NRIP3: variants seen among roughly 807,000 people sequenced by gnomAD.
NRIP3 encodes nuclear receptor interacting protein 3.
NRIP3 carries 31 observed loss-of-function variants against 29.0 expected under a neutral mutation model. The ratio of observed to expected loss-of-function variants is 1.07; its 90% CI spans 0.80 to 1.44. The LOEUF (loss-of-function observed/expected upper bound fraction) is 1.44, where lower values mean the gene tolerates loss of function less well. NRIP3 is among the 40% of genes most tolerant of loss of function. The pLI is 0.00. For missense variants in NRIP3, 314 were observed against 297.9 expected, an observed-to-expected ratio of 1.05 and a Z score of -0.40; for synonymous variants, 131 against 118.3, an observed-to-expected ratio of 1.11 and a Z score of -0.70.
At chr11:9,002,592 AAATT>A (rs1380975075) in intron 1 of NRIP3, among the ~76,000 whole-genome samples, 1 of 98,150 alleles carries the variant, frequency 1.0e-5, no homozygotes, top group Non-Finnish European at 2.2e-5. Context: ...TAGAGCTGTT[AAATT>A]AAAAAAAAAA....
chr11:8,982,374 G>C lies in NRIP3; in HGVS notation c.*1171C>G, dbSNP rs78342469. On this transcript the variant is annotated 3_prime_UTR_variant, in exon 7 of 7. Coordinates refer to ENST00000309166, the MANE Select transcript of NRIP3 (RefSeq NM_020645.3). ...TGAAAATGTCATTCCCTGCCTCCCAGAAAGGTTTATCTAGATAGGCCTCTC... is the reference window on the plus strand; with the variant it reads ...TGAAAATGTCATTCCCTGCCTCCCACAAAGGTTTATCTAGATAGGCCTCTC... 1.3e-3 allele frequency: 206 copies of C among 152,612 alleles called. 1 individual carries two copies. Among genetic ancestry groups the C allele is most frequent in the Admixed American group, 2.0e-3 (30 of 15,300 alleles). 9.5% of individuals were successfully genotyped at this position (152,612 alleles called of 1,614,324 possible).
Position 9,003,939 on chromosome 11 carries a change from T to G in NRIP3, c.-4A>C. 6.7e-7 allele frequency: 1 copy of G among 1,483,802 alleles called. No individual in the cohort carries two copies. Among genetic ancestry groups the G allele is most frequent in the South Asian group, 1.3e-5 (1 of 78,350 alleles). 91.9% of individuals were successfully genotyped at this position (1,483,802 alleles called of 1,614,324 possible). ...TGAGGAGCCCTGAGTAAAACATCGC[T>G]GAGGCGCCGGCGGCCCGGTAGCCCA... is the stretch of plus-strand genomic sequence containing the variant. On this transcript the variant is annotated 5_prime_UTR_variant, in exon 1 of 7. Transcript: ENST00000309166.
chr11:9,000,771 T>TAA (rs11449994), intron 1 of NRIP3, among the ~76,000 whole-genome samples: 36 of 149,624 alleles, frequency 2.4e-4, no homozygotes, highest in African/African-American at 4.2e-4. Flanking sequence ...TTCACTGAGT[T>TAA]AAAAAAAAAA....
At chr11:9,002,596 T>TAAAAAA (rs10701323) in intron 1 of NRIP3, among the ~76,000 whole-genome samples, 460 of 100,368 alleles carry the variant, frequency 4.6e-3, no homozygotes, top group Middle Eastern at 0.011. Flanking sequence ...GCTGTTAAAT[T>TAAAAAA]AAAAAAAAAA....
At chr11:8,985,415 C>T (rs543068222) in intron 4 of NRIP3, among the ~76,000 whole-genome samples, 3 of 151,892 alleles carry the variant, frequency 2.0e-5, no homozygotes, top group South Asian at 2.1e-4. Context: ...GTGATCCGCC[C>T]GCCTCGGCCT....
intron 3 of NRIP3, 99 bp downstream of exon 3, chr11:8,987,449 G>C: frequency 1.1e-6 from 1 of 870,850 alleles, no homozygotes; most frequent in Non-Finnish European, 2.0e-6. Context: ...ACTTCTCTTT[G>C]AGCTGCTGTA....
At chr11:8,997,085 G>C (rs991573994) in intron 1 of NRIP3, among the ~76,000 whole-genome samples, 1 of 150,874 alleles carries the variant, frequency 6.6e-6, no homozygotes, top group Non-Finnish European at 1.5e-5. Flanking sequence ...CTCAAAAAAA[G>C]AAAAAAGGAG....
rs905796556 is a variant in NRIP3 at position 8,987,529 on chromosome 11, A to C, written c.422+19T>G. 6.3e-7 allele frequency: 1 copy of C among 1,579,886 alleles called. No homozygotes were observed. Among genetic ancestry groups the C allele is most frequent in the African/African-American group, 1.3e-5 (1 of 74,252 alleles). On this transcript the variant is annotated intron_variant, in intron 3 of 6. Transcript: ENST00000309166. Reference sequence around the variant, plus strand: ...GTACAGTCACATCTAAGTTCCACTCAGCACAAGTGCCTACTTACCCCAATC... The same window carrying C: ...GTACAGTCACATCTAAGTTCCACTCCGCACAAGTGCCTACTTACCCCAATC...
rs1229697446 is a variant in NRIP3 at position 8,981,510 on chromosome 11, C to G, written c.*2035G>C. The G allele has an allele frequency of 6.7e-6, 1 of 148,344 alleles. No homozygotes were observed. The highest frequency in any genetic ancestry group is 2.5e-5 in the African/African-American group (1 of 40,262). 9.2% of individuals were successfully genotyped at this position (148,344 alleles called of 1,614,324 possible). On this transcript the variant is annotated 3_prime_UTR_variant, in exon 7 of 7. Coordinates refer to ENST00000309166, the MANE Select transcript of NRIP3 (RefSeq NM_020645.3). ...AGAATAAACCAGCAGGAACCTTCAA[C>G]ATGCCTCACTGTGGCTAAGAGTCAA...
At chr11:9,001,722 A>G (rs1566141654) in intron 1 of NRIP3, among the ~76,000 whole-genome samples, 1 of 151,672 alleles carries the variant, frequency 6.6e-6, no homozygotes, top group African/African-American at 2.4e-5. Flanking sequence ...CAACAGTTCC[A>G]AGAGAGTTTA....
At chr11:8,987,481 CATAAA>C in intron 3 of NRIP3, 62 bp downstream of exon 3, 3 of 1,156,564 alleles carry the variant, frequency 2.6e-6, no homozygotes, top group Non-Finnish European at 3.9e-6. Flanking sequence ...CATCTCTAAC[CATAAA>C]ATAGAGTCAA....
At position 8,983,566 on chromosome 11, in the gene NRIP3, A is replaced by G; in HGVS notation, c.711-6T>C. ...GTAGTTATGCTTCTGAAGTGCTGAA[A>G]TGAGAAATAAATATCAGGAGAAATA... On this transcript the variant is annotated splice_region_variant and splice_polypyrimidine_tract_variant and intron_variant, in intron 6 of 6. Transcript: ENST00000309166. The G allele has an allele frequency of 6.2e-7, 1 of 1,613,436 alleles. No homozygotes were observed. Among genetic ancestry groups the G allele is most frequent in the Non-Finnish European group, 8.5e-7 (1 of 1,179,452 alleles).
chr11:8,983,572 AATAAAT>A lies in NRIP3; in HGVS notation c.711-18_711-13del, dbSNP rs1276178639. 2 of 1,612,932 alleles carry A rather than the reference AATAAAT, an allele frequency of 1.2e-6. No individual in the cohort carries two copies. The highest frequency in any genetic ancestry group is 1.7e-6 in the Non-Finnish European group (2 of 1,179,232). Reference sequence around the variant, plus strand: ...ATGCTTCTGAAGTGCTGAAATGAGAAATAAATATCAGGAGAAATAATGCCAAATTCA... The same window carrying A: ...ATGCTTCTGAAGTGCTGAAATGAGAAATCAGGAGAAATAATGCCAAATTCA... On this transcript the variant is annotated splice_polypyrimidine_tract_variant and intron_variant, in intron 6 of 6. Transcript: ENST00000309166.
intron 4 of NRIP3, among the ~76,000 whole-genome samples, chr11:8,984,860 C>G (rs1332001705): frequency 1.4e-5 from 2 of 147,822 alleles, no homozygotes; most frequent in South Asian, 4.3e-4. Flanking sequence ...TTTTTTTTTT[C>G]TTTCTTTTGA....
chr11:8,983,449 A>G lies in NRIP3; in HGVS notation c.*96T>C. ...TATTAGATGGAAGGACTTGGTCCAC[A>G]GCAAGTCACTACGGCATTTGGTTCA... On this transcript the variant is annotated 3_prime_UTR_variant, in exon 7 of 7. Transcript: ENST00000309166. 1 of 1,185,702 alleles carries G rather than the reference A, an allele frequency of 8.4e-7. No individual in the cohort carries two copies. Among genetic ancestry groups the G allele is most frequent in the East Asian group, 2.4e-5 (1 of 41,680 alleles). The allele number at this position is 1,185,702 out of a possible 1,614,324, so 73.4% of individuals were successfully genotyped here.
intron 1 of NRIP3, among the ~76,000 whole-genome samples, chr11:9,001,521 G>C (rs1854796809): frequency 6.6e-6 from 1 of 151,960 alleles, no homozygotes; most frequent in African/African-American, 2.4e-5. Flanking sequence ...CCTTTTCTTG[G>C]ACTCCTTCTA....
In NRIP3 at chr11:8,982,790, T is replaced by C. The variant is rs1400444541; in HGVS notation, c.*755A>G. On this transcript the variant is annotated 3_prime_UTR_variant, in exon 7 of 7. Coordinates refer to ENST00000309166, the MANE Select transcript of NRIP3 (RefSeq NM_020645.3). ...GGAGGGAGAGCTACCCAAATCATCC[T>C]AGCATCCATCTCCAGAGAATATTCC... The C allele has an allele frequency of 5.8e-6, 2 of 343,782 alleles. No individual in the cohort carries two copies. The highest frequency in any genetic ancestry group is 2.2e-5 in the African/African-American group (1 of 45,570). The allele number at this position is 343,782 out of a possible 1,614,324, so 21.3% of individuals were successfully genotyped here. A position where few individuals can be genotyped will look rare whatever the true frequency, so the allele number is the denominator to read the frequency against.
intron 1 of NRIP3, among the ~76,000 whole-genome samples, chr11:8,996,384 C>T (rs1467022195): frequency 7.4e-6 from 1 of 135,868 alleles, no homozygotes; most frequent in African/African-American, 2.7e-5. Flanking sequence ...TGGGTTCAAG[C>T]AATTCTCTCA....
In NRIP3 at chr11:9,003,638, G is replaced by A. The variant is rs953505953; in HGVS notation, c.174+124C>T. 9.2e-6 allele frequency: 9 copies of A among 977,550 alleles called. No individual in the cohort carries two copies. The African/African-American group carries it at 1.2e-4, about 13-fold the overall frequency. 60.6% of individuals were successfully genotyped at this position (977,550 alleles called of 1,614,324 possible). ...GAAGGGGAGGAATCCGCGACGCAGC[G>A]ACCGCGAGCCAAGGGCAGCGGCGGG... On this transcript the variant is annotated intron_variant, in intron 1 of 6. Transcript: ENST00000309166.
Sources: gnomAD v4.1 joint callset for allele counts (sites outside exome capture counted in the v4.1 genomes callset) on GRCh38, gnomAD v4.1.1 for gene constraint, MANE v1.5 for transcripts, NCBI Gene and HGNC (gene_info 2026-07-23, HGNC 2026-07-21) for gene names.